The following PINK1 variants were observed in gnomAD, a reference collection of about 807,000 sequenced individuals.
PINK1 encodes the protein PTEN induced kinase 1.
A neutral mutation model predicts 56.0 loss-of-function variants in PINK1; 58 were observed. The ratio of observed to expected loss-of-function variants is 1.04; its 90% confidence interval spans 0.84 to 1.29. The LOEUF is 1.29. PINK1 is among the 50% of genes most tolerant of loss of function. The pLI, the probability that PINK1 is intolerant of heterozygous loss-of-function variation, is 0.00. For synonymous variants in PINK1, 354 were observed against 339.3 expected, an observed-to-expected ratio of 1.04 and a Z score of -0.48; for missense variants, 745 against 777.9, an observed-to-expected ratio of 0.96 and a Z score of 0.50.
chr1:20,648,900 A>C, intron 6 of PINK1, 95 bp from the exon 7 acceptor site: 1 of 1,436,774 alleles, frequency 7.0e-7, no homozygotes, highest in Non-Finnish European at 9.8e-7. Flanking sequence ...TCCTTGGGAC[A>C]GAGTTCAGAT....
At position 20,645,647 on chromosome 1, in the gene PINK1, C is replaced by T; in HGVS notation, c.1047C>T (p.Gly349=). Reference sequence around the variant, plus strand: ...TGATGCTGCTGCAGCTGCTGGAAGGCGTGGACCATCTGGTTCAACAGGGCA... The same window carrying T: ...TGATGCTGCTGCAGCTGCTGGAAGGTGTGGACCATCTGGTTCAACAGGGCA... The part of the protein sequence containing the change: ...AAMMLLQLLE[G]VDHLVQQGIA... Residue 349 remains glycine (G), a synonymous_variant, in exon 5 of 8, where the codon GGC becomes GGT. Transcript: ENST00000321556. 8 of 1,614,158 alleles carry T rather than the reference C, an allele frequency of 5.0e-6. No individual in the cohort carries two copies. The highest frequency in any genetic ancestry group is 5.9e-6 in the Non-Finnish European group (7 of 1,180,040).
Position 20,637,929 on chromosome 1 carries a change from G to C in PINK1, c.475G>C (p.Gly159Arg). ...CTTTCGGCTGGAGGAGTATCTGATA[G>C]GGCAGTCCATTGGTAAGGGCTGCAG... is the stretch of plus-strand genomic sequence containing the variant. The part of the protein sequence containing the change: ...QGFRLEEYLI[G>R]QSIGKGCSAA... The change falls in exon 2 of 8, where the codon GGG becomes CGG. Residue 159 changes from glycine (G) to arginine (R), a missense_variant. Physicochemically the swap from Gly to Arg is moderately radical, Grantham distance 125. Coordinates refer to ENST00000321556, the MANE Select transcript of PINK1 (RefSeq NM_032409.3). 6.2e-7 allele frequency: 1 copy of C among 1,614,170 alleles called. No homozygotes were observed. Among genetic ancestry groups the C allele is most frequent in the South Asian group, 1.1e-5 (1 of 91,084 alleles).
intron 1 of PINK1, among the ~76,000 whole-genome samples, chr1:20,637,399 C>T (rs2154533622): frequency 1.3e-5 from 2 of 152,316 alleles, no homozygotes; most frequent in African/African-American, 4.8e-5. Context: ...GGGGATGCGC[C>T]TGATGTCACC....
chr1:20,649,450 T>C (rs1325074823), intron 7 of PINK1: 4 of 575,980 alleles, frequency 6.9e-6, no homozygotes, highest in Admixed American at 3.1e-5. Context: ...TCAACTCCTG[T>C]GGCTTTTTTA....
rs777920274 is a variant in PINK1, at chr1:20,644,589, G to A, written c.876G>A (p.Leu292=). 1.2e-6 allele frequency: 2 copies of A among 1,614,096 alleles called. No homozygotes were observed. The highest frequency in any genetic ancestry group is 2.7e-5 in the African/African-American group (2 of 74,926). The change falls in exon 4 of 8, where the codon CTG becomes CTA. Residue 292 remains leucine, a synonymous_variant. Coordinates refer to ENST00000321556, the MANE Select transcript of PINK1 (RefSeq NM_032409.3). ...TSSVPLLPGA[L]VDYPDVLPSR... ...CCGTGCCGCTGCTGCCAGGGGCCCT[G>A]GTCGACTACCCTGATGTGCTGCCCT...
At chr1:20,645,994 C>G (rs2053176452) in intron 5 of PINK1, among the ~76,000 whole-genome samples, 1 of 152,046 alleles carries the variant, frequency 6.6e-6, no homozygotes, top group African/African-American at 2.4e-5. Flanking sequence ...AATAAAGAGG[C>G]CCGGCACAGT....
intron 3 of PINK1, among the ~76,000 whole-genome samples, chr1:20,643,345 C>T (rs140867537): frequency 2.1e-4 from 32 of 152,154 alleles, no homozygotes; most frequent in African/African-American, 7.2e-4. Flanking sequence ...GTTTGGGGGT[C>T]GGGGGGCGCT....
At chr1:20,644,462 C>T in intron 3 of PINK1, 28 bp from the exon 4 acceptor site, 2 of 1,611,906 alleles carry the variant, frequency 1.2e-6, no homozygotes, top group South Asian at 2.2e-5. Flanking sequence ...ATGCTGGCCT[C>T]ATATGTTTGT....
intron 5 of PINK1, among the ~76,000 whole-genome samples, chr1:20,646,479 A>G (rs2053182985): frequency 6.6e-6 from 1 of 151,696 alleles, no homozygotes; most frequent in Admixed American, 6.6e-5. Flanking sequence ...CCCCATCTCT[A>G]CTAAAAATAC....
At chr1:20,650,065 C>A in intron 7 of PINK1, 1 of 354,098 alleles carries the variant, frequency 2.8e-6, no homozygotes, top group Non-Finnish European at 5.5e-6. Context: ...TGTACGTGGC[C>A]TGCTATCTTG....
At chr1:20,646,763 C>T (rs931323591) in intron 5 of PINK1, among the ~76,000 whole-genome samples, 1 of 152,074 alleles carries the variant, frequency 6.6e-6, no homozygotes, top group African/African-American at 2.4e-5. Context: ...GCTGAATGGC[C>T]ACTTGCCTAG....
In PINK1 at chr1:20,645,603, A is replaced by G. The variant is rs144330127; in HGVS notation, c.1003A>G (p.Ser335Gly). ...CCAGTACCTTTGTGTGAACACACCC[A>G]GCCCCCGCCTCGCCGCCATGATGCT... ...LRQYLCVNTP[S>G]PRLAAMMLLQ... Residue 335 changes from serine to glycine, a missense_variant, in exon 5 of 8, where the codon AGC (serine) becomes GGC (glycine). Ser to Gly is a moderately conservative substitution (Grantham distance 56). Coordinates refer to ENST00000321556, the MANE Select transcript of PINK1 (RefSeq NM_032409.3). 17 of 1,613,590 alleles carry G rather than the reference A, an allele frequency of 1.1e-5. No individual in the cohort carries two copies. The highest frequency in any genetic ancestry group is 1.6e-4 in the Middle Eastern group (1 of 6,062).
intron 5 of PINK1, among the ~76,000 whole-genome samples, chr1:20,647,793 T>G (rs555610209): frequency 4.6e-5 from 7 of 151,232 alleles, no homozygotes; most frequent in Admixed American, 4.6e-4. Flanking sequence ...TAAAGGAATT[T>G]TGTGTGGACC....
Position 20,637,982 on chromosome 1 carries a change from T to TA in PINK1, c.529dup (p.Thr177AsnfsTer121). Reference sequence around the variant, plus strand: ...CTGCTGTGTATGAAGCCACCATGCCTACATTGCCCCAGAACCTGGAGGTGA... The same window carrying TA: ...CTGCTGTGTATGAAGCCACCATGCCTAACATTGCCCCAGAACCTGGAGGTGA... On this transcript the variant is annotated frameshift_variant, in exon 2 of 8. Coordinates refer to ENST00000321556, the MANE Select transcript of PINK1 (RefSeq NM_032409.3). LOFTEE classifies it high-confidence loss of function. 6.2e-7 allele frequency: 1 copy of TA among 1,614,138 alleles called. No homozygotes were observed. The highest frequency in any genetic ancestry group is 8.5e-7 in the Non-Finnish European group (1 of 1,180,012).
At chr1:20,644,285 A>G (rs2053149473) in intron 3 of PINK1, among the ~76,000 whole-genome samples, 1 of 152,190 alleles carries the variant, frequency 6.6e-6, no homozygotes, top group Admixed American at 6.5e-5. Context: ...CGGATGGACA[A>G]ATGGATTGAA....
At chr1:20,650,044 T>C in intron 7 of PINK1, 1 of 332,456 alleles carries the variant, frequency 3.0e-6, no homozygotes, top group Non-Finnish European at 5.9e-6. Flanking sequence ...GCCACTCCGT[T>C]AACTGCTCTC....
chr1:20,640,345 G>A (rs1433122549), intron 3 of PINK1, among the ~76,000 whole-genome samples: 1 of 152,100 alleles, frequency 6.6e-6, no homozygotes, highest in Non-Finnish European at 1.5e-5. Flanking sequence ...CCCCACCAGA[G>A]GGAACACTCA....
Position 20,648,647 on chromosome 1 carries a change from T to C in PINK1, c.1251+15T>C. The C allele has an allele frequency of 6.2e-7, 1 of 1,613,252 alleles. No homozygotes were observed. The highest frequency in any genetic ancestry group is 8.5e-7 in the Non-Finnish European group (1 of 1,180,022). On this transcript the variant is annotated intron_variant, in intron 6 of 7. Coordinates refer to ENST00000321556, the MANE Select transcript of PINK1 (RefSeq NM_032409.3). ...TGGCCCCAGAGGTGAGTCCCGAGTGTGTCATGCGCCATCGGCAGCCCTTCC... is the reference window on the plus strand; with the variant it reads ...TGGCCCCAGAGGTGAGTCCCGAGTGCGTCATGCGCCATCGGCAGCCCTTCC...
At chr1:20,635,374 G>T (rs1037407340) in intron 1 of PINK1, among the ~76,000 whole-genome samples, 2 of 151,990 alleles carry the variant, frequency 1.3e-5, no homozygotes, top group African/African-American at 4.8e-5. Flanking sequence ...AGTGGTGGGC[G>T]CCTGTAATCC....
Sources: gnomAD v4.1 joint callset for allele counts (sites outside exome capture counted in the v4.1 genomes callset) on GRCh38, gnomAD v4.1.1 for gene constraint, MANE v1.5 for transcripts, NCBI Gene and HGNC (gene_info 2026-07-23, HGNC 2026-07-21) for gene names.